SLCO1B1: variants seen among roughly 807,000 people sequenced by gnomAD.
The protein encoded by SLCO1B1 is OATP-2.
Under a neutral mutation model 70.1 loss-of-function variants are expected in SLCO1B1, and 81 were observed. The observed-to-expected ratio is 1.16, with a 90% CI of 0.97 to 1.39. The LOEUF (loss-of-function observed/expected upper bound fraction) is 1.39. SLCO1B1 is among the 40% of genes most tolerant of loss of function. SLCO1B1 has a pLI of 0.00. For synonymous variants in SLCO1B1, 283 were observed against 271.5 expected (o/e 1.04, Z -0.42); for missense variants, 895 against 799.6 (o/e 1.12, Z -1.44).
intron 10 of SLCO1B1, 91 bp from the exon 11 acceptor site, chr12:21,205,777 T>C: frequency 2.1e-6 from 2 of 963,756 alleles, no homozygotes; most frequent in South Asian, 1.6e-5. Context: ...CCTCTTTCTC[T>C]GCTTTCACTT....
In SLCO1B1 at chr12:21,202,505, C is replaced by A; in HGVS notation, c.1150C>A (p.Pro384Thr). 6.2e-7 allele frequency: 1 copy of A among 1,606,038 alleles called. No homozygotes were observed. The highest frequency in any genetic ancestry group is 8.5e-7 in the Non-Finnish European group (1 of 1,176,040). ...TTTTTTTCTAGGAGTCATAACCATACCTATTTTTGCAAGTGGAATGTTTTT... is the reference window on the plus strand; with the variant it reads ...TTTTTTTCTAGGAGTCATAACCATAACTATTTTTGCAAGTGGAATGTTTTT... ...ANILLGVITI[P>T]IFASGMFLGG... The change falls in exon 10 of 15, where the codon CCT (proline) becomes ACT (threonine). Residue 384 changes from proline to threonine, a missense_variant. Coordinates refer to ENST00000256958, the MANE Select transcript of SLCO1B1 (RefSeq NM_006446.5).
At chr12:21,201,479 G>C (rs546337831) in intron 9 of SLCO1B1, among the ~76,000 whole-genome samples, 2 of 152,222 alleles carry the variant, frequency 1.3e-5, no homozygotes, top group Admixed American at 6.6e-5. Context: ...ACAAAGATAT[G>C]GAAAAGTTAT....
chr12:21,227,766 G>C (rs1408973233), intron 14 of SLCO1B1, among the ~76,000 whole-genome samples: 1 of 151,878 alleles, frequency 6.6e-6, no homozygotes, highest in East Asian at 1.9e-4. Flanking sequence ...GTAACATTTT[G>C]AGATGGCTTT....
At chr12:21,211,073 C>T (rs1460729876) in intron 11 of SLCO1B1, among the ~76,000 whole-genome samples, 4 of 152,110 alleles carry the variant, frequency 2.6e-5, no homozygotes, top group Non-Finnish European at 4.4e-5. Context: ...GCCTAATTGC[C>T]CTGGCCAGAA....
intron 7 of SLCO1B1, among the ~76,000 whole-genome samples, chr12:21,196,033 T>C (rs1236497644): frequency 2.6e-5 from 4 of 152,176 alleles, no homozygotes; most frequent in African/African-American, 9.6e-5. Context: ...ATGCATGGTA[T>C]TATAATGAGG....
chr12:21,179,683 C>A (rs548252199), intron 7 of SLCO1B1, among the ~76,000 whole-genome samples: 4 of 152,042 alleles, frequency 2.6e-5, no homozygotes, highest in Non-Finnish European at 5.9e-5. Flanking sequence ...CCATATCTAT[C>A]TTTATCTTCT....
chr12:21,163,383 A>C (rs544407548), intron 2 of SLCO1B1, among the ~76,000 whole-genome samples: 1 of 152,282 alleles, frequency 6.6e-6, no homozygotes, highest in East Asian at 1.9e-4. Context: ...ATTGATTGTC[A>C]TCTTTCATGT....
At chr12:21,173,683 AT>A (rs1310182001) in intron 3 of SLCO1B1, among the ~76,000 whole-genome samples, 4 of 135,742 alleles carry the variant, frequency 2.9e-5, no homozygotes, top group South Asian at 2.3e-4. Flanking sequence ...TTTTTATGCT[AT>A]TTTTTTTCAG....
In SLCO1B1 at chr12:21,172,801, A is replaced by G. The variant is rs775575360; in HGVS notation, c.226+10A>G. The G allele has an allele frequency of 1.9e-6, 3 of 1,609,538 alleles. No homozygotes were observed. The highest frequency in any genetic ancestry group is 2.5e-6 in the Non-Finnish European group (3 of 1,177,438). ...GGAAGCTTTGAAATTGGTAACATTT[A>G]TTTTCTATTTTAATAACCAAACTTG... On this transcript the variant is annotated intron_variant, in intron 3 of 14. Transcript: ENST00000256958.
Position 21,224,709 on chromosome 12 carries a change from TCTC to T in SLCO1B1, c.1748-10_1748-8del, listed in dbSNP as rs746397163. The T allele has an allele frequency of 2.1e-6, 3 of 1,406,964 alleles. No individual in the cohort carries two copies. The highest frequency in any genetic ancestry group is 2.3e-5 in the South Asian group (2 of 86,536). 87.2% of individuals were successfully genotyped at this position (1,406,964 alleles called of 1,614,324 possible). Reference sequence around the variant, plus strand: ...TGTTCCCTAAACTGACATCTTCTCTTCTCCTATTACAGGAGGAATTCTAGCTCC... The same window carrying T: ...TGTTCCCTAAACTGACATCTTCTCTTCTATTACAGGAGGAATTCTAGCTCC... On this transcript the variant is annotated splice_polypyrimidine_tract_variant and intron_variant, in intron 13 of 14. Transcript: ENST00000256958.
chr12:21,171,948 G>C (rs1416249074), intron 2 of SLCO1B1, among the ~76,000 whole-genome samples: 3 of 152,074 alleles, frequency 2.0e-5, no homozygotes, highest in African/African-American at 7.2e-5. Flanking sequence ...TCCTCAAAAA[G>C]ACCCTATCAC....
At chr12:21,187,647 T>C (rs1225238371) in intron 7 of SLCO1B1, among the ~76,000 whole-genome samples, 1 of 149,480 alleles carries the variant, frequency 6.7e-6, no homozygotes, top group Admixed American at 6.7e-5. Flanking sequence ...ATTACACCAT[T>C]TAAGATGCTA....
intron 2 of SLCO1B1, among the ~76,000 whole-genome samples, chr12:21,144,075 C>T (rs964884641): frequency 6.6e-6 from 1 of 152,068 alleles, no homozygotes; most frequent in African/African-American, 2.4e-5. Context: ...TACATAGAAC[C>T]TGCTAGTATA....
chr12:21,135,531 A>T (rs1274538035), intron 1 of SLCO1B1, among the ~76,000 whole-genome samples: 5 of 152,152 alleles, frequency 3.3e-5, no homozygotes, highest in African/African-American at 7.2e-5. Context: ...TATTGGGTGC[A>T]TATATATTTA....
chr12:21,133,867 A>T (rs1012794913), intron 1 of SLCO1B1, among the ~76,000 whole-genome samples: 1 of 152,124 alleles, frequency 6.6e-6, no homozygotes, highest in South Asian at 2.1e-4. Context: ...TTCCAACATT[A>T]TGTTGAATAG....
chr12:21,191,343 A>C (rs968948073), intron 7 of SLCO1B1, among the ~76,000 whole-genome samples: 1 of 151,568 alleles, frequency 6.6e-6, no homozygotes, highest in African/African-American at 2.4e-5. Context: ...CAAGTCTTTC[A>C]CCTTCTTAAA....
At chr12:21,237,382 AT>A (rs1388999577) in intron 14 of SLCO1B1, among the ~76,000 whole-genome samples, 1 of 151,974 alleles carries the variant, frequency 6.6e-6, no homozygotes, top group Non-Finnish European at 1.5e-5. Context: ...TAAGTTGGTG[AT>A]TTTTTTCTCT....
At chr12:21,164,678 T>A (rs77525987) in intron 2 of SLCO1B1, among the ~76,000 whole-genome samples, 119 of 152,254 alleles carry the variant, frequency 7.8e-4, no homozygotes, top group African/African-American at 2.8e-3. Flanking sequence ...AAATAATCCG[T>A]GTTATTTCAC....
intron 11 of SLCO1B1, among the ~76,000 whole-genome samples, chr12:21,208,281 T>C (rs754050921): frequency 1.3e-5 from 2 of 152,168 alleles, no homozygotes; most frequent in Non-Finnish European, 2.9e-5. Context: ...TACATTTCAG[T>C]CTGTAATACA....
Sources: gnomAD v4.1 joint callset for allele counts (sites outside exome capture counted in the v4.1 genomes callset) on GRCh38, gnomAD v4.1.1 for gene constraint, MANE v1.5 for transcripts, NCBI Gene and HGNC (gene_info 2026-07-23, HGNC 2026-07-21) for gene names.